Variants in CAMKMT observed in about 807,000 individuals in gnomAD.
The protein encoded by CAMKMT is CaM KMT.
In CAMKMT, 53 loss-of-function variants were observed where a neutral mutation model predicts 48.0. The observed-to-expected ratio is 1.10, with a 90% CI of 0.89 to 1.39. The LOEUF (loss-of-function observed/expected upper bound fraction) is 1.39. Among genes scored for constraint, CAMKMT ranks in the 40% most tolerant of loss-of-function variants. The probability of loss-of-function intolerance (pLI) is 0.00; values close to 1 mark genes in which losing one functional copy is unlikely to be tolerated. For synonymous variants in CAMKMT, 165 were observed against 152.3 expected (o/e 1.08, Z -0.61); for missense variants, 428 against 402.7 (o/e 1.06, Z -0.54).
At chr2:44,391,398 A>C (rs961357441) in intron 3 of CAMKMT, among the ~76,000 whole-genome samples, 1 of 152,010 alleles carries the variant, frequency 6.6e-6, no homozygotes, top group African/African-American at 2.4e-5. Flanking sequence ...CCAAACACCA[A>C]CTTGAACCCG....
At chr2:44,671,286 C>T (rs1285514226) in intron 3 of CAMKMT, among the ~76,000 whole-genome samples, 2 of 152,276 alleles carry the variant, frequency 1.3e-5, no homozygotes, top group East Asian at 3.9e-4. Context: ...ATCAGTTAGT[C>T]CCCTAAATCC....
chr2:44,438,374 T>C (rs1666415978), intron 3 of CAMKMT, among the ~76,000 whole-genome samples: 1 of 152,234 alleles, frequency 6.6e-6, no homozygotes, highest in South Asian at 2.1e-4. Flanking sequence ...TCATTTGTGT[T>C]TAGTTTATAA....
chr2:44,550,208 AG>A (rs1667632516), intron 3 of CAMKMT, among the ~76,000 whole-genome samples: 1 of 151,988 alleles, frequency 6.6e-6, no homozygotes, highest in Admixed American at 6.6e-5. Flanking sequence ...GAGACCAACC[AG>A]GGCAACATAG....
At chr2:44,647,216 T>A (rs963079050) in intron 3 of CAMKMT, among the ~76,000 whole-genome samples, 2 of 152,208 alleles carry the variant, frequency 1.3e-5, no homozygotes, top group Non-Finnish European at 2.9e-5. Flanking sequence ...AATAACTCCA[T>A]TGACATTCAA....
chr2:44,682,270 A>G (rs748667571), intron 3 of CAMKMT, among the ~76,000 whole-genome samples: 1 of 152,254 alleles, frequency 6.6e-6, no homozygotes, highest in Non-Finnish European at 1.5e-5. Context: ...GGATTTACAT[A>G]TCAACTTTTC....
chr2:44,479,925 T>G (rs939934679), intron 3 of CAMKMT, among the ~76,000 whole-genome samples: 1 of 152,224 alleles, frequency 6.6e-6, no homozygotes, highest in South Asian at 2.1e-4. Flanking sequence ...AAAGATATGA[T>G]GTAAACTTTT....
At chr2:44,539,891 G>A (rs932515742) in intron 3 of CAMKMT, among the ~76,000 whole-genome samples, 2 of 152,134 alleles carry the variant, frequency 1.3e-5, no homozygotes, top group Admixed American at 6.5e-5. Flanking sequence ...ATCAATTGGT[G>A]ATGACAAAGG....
At chr2:44,413,616 C>T (rs917714898) in intron 3 of CAMKMT, among the ~76,000 whole-genome samples, 1 of 145,064 alleles carries the variant, frequency 6.9e-6, no homozygotes, top group Non-Finnish European at 1.5e-5. Flanking sequence ...TGCGCCACTG[C>T]ACTTAAGTCA....
intron 3 of CAMKMT, among the ~76,000 whole-genome samples, chr2:44,563,258 A>G (rs1164192667): frequency 6.6e-6 from 1 of 151,700 alleles, no homozygotes; most frequent in East Asian, 1.9e-4. Context: ...CTTTCTTAAA[A>G]AAAGGATTAT....
intron 1 of CAMKMT, among the ~76,000 whole-genome samples, chr2:44,372,067 T>TC (rs1160687888): frequency 6.6e-6 from 1 of 152,200 alleles, no homozygotes; most frequent in Non-Finnish European, 1.5e-5. Context: ...CTCTCCTAGC[T>TC]CCATAGGTTG....
At chr2:44,577,169 C>G (rs1171832278) in intron 3 of CAMKMT, among the ~76,000 whole-genome samples, 2 of 152,178 alleles carry the variant, frequency 1.3e-5, no homozygotes, top group East Asian at 3.8e-4. Context: ...GTTATAAAGA[C>G]AAAGGTGATG....
intron 3 of CAMKMT, among the ~76,000 whole-genome samples, chr2:44,632,857 G>A (rs939984769): frequency 2.0e-5 from 3 of 152,230 alleles, no homozygotes; most frequent in South Asian, 2.1e-4. Flanking sequence ...TCCTGCCCTC[G>A]AACATCAGAC....
intron 3 of CAMKMT, among the ~76,000 whole-genome samples, chr2:44,428,845 C>T (rs1025217195): frequency 6.6e-6 from 1 of 152,142 alleles, no homozygotes; most frequent in Non-Finnish European, 1.5e-5. Context: ...AAAACTGTTA[C>T]AGACTTTCAA....
At chr2:44,737,455 A>T (rs1004405800) in intron 7 of CAMKMT, among the ~76,000 whole-genome samples, 45 of 152,116 alleles carry the variant, frequency 3.0e-4, no homozygotes, top group African/African-American at 1.1e-3. Context: ...TCTTGCTTTT[A>T]AGATTTGTTA....
At chr2:44,731,561 G>A (rs1260838794) in intron 7 of CAMKMT, among the ~76,000 whole-genome samples, 1 of 152,166 alleles carries the variant, frequency 6.6e-6, no homozygotes. Context: ...CTCTCTGTTT[G>A]AGAAATTCTT....
chr2:44,708,456 T>C (rs985669857), intron 6 of CAMKMT, among the ~76,000 whole-genome samples: 12 of 152,094 alleles, frequency 7.9e-5, no homozygotes, highest in African/African-American at 2.4e-4. Context: ...GTAGCTAATA[T>C]TGTTCAGTAA....
intron 3 of CAMKMT, among the ~76,000 whole-genome samples, chr2:44,599,725 T>C (rs73927163): frequency 0.069 from 10,437 of 152,002 alleles, 444 homozygotes; most frequent in South Asian, 0.15. Context: ...TATTATTTTC[T>C]AATCTGGGTT....
At chr2:44,526,379 G>T (rs1004832191) in intron 3 of CAMKMT, among the ~76,000 whole-genome samples, 3 of 152,254 alleles carry the variant, frequency 2.0e-5, no homozygotes, top group Non-Finnish European at 4.4e-5. Flanking sequence ...ATATATAGAT[G>T]GATATACAGA....
At position 44,423,543 on chromosome 2, in the gene CAMKMT, T is replaced by C. The variant is rs142585711; in HGVS notation, c.376+33238T>C. ...GTTCTCTGTCTCCTCCCTTTCTGTT[T>C]TCCTGTGCTGCAGAGATGCCATCTT... On this transcript the variant is annotated intron_variant, in intron 3 of 10. Transcript: ENST00000378494. Among the ~76,000 whole-genome samples the C allele has an allele frequency of 1.4e-3, 216 of 152,314 alleles. 3 individuals are homozygous for C. The highest frequency in any genetic ancestry group is 4.9e-3 in the African/African-American group (202 of 41,576).
Sources: allele counts gnomAD v4.1 joint callset (sites outside exome capture counted in the v4.1 genomes callset), GRCh38; gene constraint gnomAD v4.1.1; transcripts MANE v1.5; gene names NCBI Gene and HGNC (gene_info 2026-07-23, HGNC 2026-07-21).